TRDN: variants seen among roughly 807,000 people sequenced by gnomAD.
TRDN encodes triadin in skeletal muscle.
TRDN carries 161 observed loss-of-function variants against 149.7 expected under a neutral mutation model. The ratio of observed to expected loss-of-function variants is 1.08; its 90% confidence interval spans 0.95 to 1.23. TRDN has a LOEUF of 1.23. Ranked by LOEUF, TRDN falls within the 50% of genes most tolerant of loss-of-function variation. The pLI is 0.00. For synonymous variants in TRDN, 294 were observed against 250.5 expected (o/e 1.17, Z -1.64); for missense variants, 896 against 823.5 (o/e 1.09, Z -1.08).
At chr6:123,301,064 C>A (rs1778379110) in intron 24 of TRDN, among the ~76,000 whole-genome samples, 1 of 151,946 alleles carries the variant, frequency 6.6e-6, no homozygotes, top group African/African-American at 2.4e-5. Context: ...AAAATTTCTA[C>A]TCTAAGGAAT....
At chr6:123,305,123 T>C (rs1021464858) in intron 24 of TRDN, among the ~76,000 whole-genome samples, 1 of 152,172 alleles carries the variant, frequency 6.6e-6, no homozygotes, top group Non-Finnish European at 1.5e-5. Flanking sequence ...AAGGCTTCAA[T>C]TAAAATGTCA....
chr6:123,546,720 G>A (rs1781130378), intron 4 of TRDN, among the ~76,000 whole-genome samples: 1 of 151,804 alleles, frequency 6.6e-6, no homozygotes, highest in Admixed American at 6.6e-5. Context: ...TTTGTCCTAG[G>A]TTTATCGTTC....
chr6:123,389,704 G>GAATTTAC (rs1225873831), intron 13 of TRDN, among the ~76,000 whole-genome samples: 5 of 152,090 alleles, frequency 3.3e-5, no homozygotes, highest in Non-Finnish European at 7.4e-5. Context: ...GTAGAAAAGT[G>GAATTTAC]AATTTACAAA....
intron 9 of TRDN, among the ~76,000 whole-genome samples, chr6:123,486,441 T>G (rs977377577): frequency 6.6e-5 from 10 of 151,988 alleles, no homozygotes; most frequent in Non-Finnish European, 1.5e-4. Context: ...TCAATTATAA[T>G]AAGACACTTT....
chr6:123,390,822 A>T (rs947221822), intron 13 of TRDN, among the ~76,000 whole-genome samples: 1 of 152,116 alleles, frequency 6.6e-6, no homozygotes, highest in Non-Finnish European at 1.5e-5. Flanking sequence ...TTCACATTGT[A>T]AAAAGACTGG....
chr6:123,253,326 G>A (rs1191543976), intron 37 of TRDN, among the ~76,000 whole-genome samples: 2 of 151,936 alleles, frequency 1.3e-5, no homozygotes, highest in African/African-American at 4.8e-5. Flanking sequence ...TAGAAAATAT[G>A]ATTTTTAAGC....
At chr6:123,551,426 A>C (rs965875032) in intron 2 of TRDN, among the ~76,000 whole-genome samples, 1 of 151,134 alleles carries the variant, frequency 6.6e-6, no homozygotes, top group African/African-American at 2.4e-5. Context: ...TCTGTCTTTC[A>C]GACCTCACAT....
chr6:123,252,941 T>G (rs2114571771), intron 37 of TRDN, among the ~76,000 whole-genome samples: 1 of 152,242 alleles, frequency 6.6e-6, no homozygotes, highest in South Asian at 2.1e-4. Flanking sequence ...GCTCAACTAT[T>G]ATTATACTTA....
At chr6:123,424,445 A>C (rs2114551873) in intron 12 of TRDN, among the ~76,000 whole-genome samples, 1 of 152,246 alleles carries the variant, frequency 6.6e-6, no homozygotes, top group Non-Finnish European at 1.5e-5. Flanking sequence ...TCTATAAACA[A>C]GAAAAAACAA....
chr6:123,413,236 T>C (rs1773514353), intron 12 of TRDN, among the ~76,000 whole-genome samples: 1 of 152,216 alleles, frequency 6.6e-6, no homozygotes, highest in South Asian at 2.1e-4. Flanking sequence ...ACAGTAGCAG[T>C]AATGCCAATG....
Position 123,465,980 on chromosome 6 carries a change from C to T in TRDN, c.854-997G>A, listed in dbSNP as rs192757883. On this transcript the variant is annotated intron_variant, in intron 9 of 40. Coordinates refer to ENST00000334268, the MANE Select transcript of TRDN (RefSeq NM_006073.4). ...AAAGTAATTAGAGTTGCACAAACACCACATTTCGGGCCTAGGCCCTCATGC... is the reference window on the plus strand; with the variant it reads ...AAAGTAATTAGAGTTGCACAAACACTACATTTCGGGCCTAGGCCCTCATGC... Among the ~76,000 whole-genome samples, 8 of 152,280 alleles carry T rather than the reference C, an allele frequency of 5.3e-5. No homozygotes were observed. The East Asian group carries it at 1.5e-3, about 29-fold the overall frequency.
intron 21 of TRDN, chr6:123,350,987 A>C (rs1459746322): frequency 1.2e-5 from 12 of 984,880 alleles, no homozygotes; most frequent in Non-Finnish European, 1.4e-5. Context: ...TGATGATCAG[A>C]AGAAAGAAAC....
intron 6 of TRDN, among the ~76,000 whole-genome samples, chr6:123,513,320 C>T (rs79487974): frequency 0.016 from 2,444 of 152,284 alleles, 73 homozygotes; most frequent in African/African-American, 0.055. Context: ...AAGCAAACAT[C>T]CTTTAATTGG....
chr6:123,508,038 C>G lies in TRDN; in HGVS notation c.611-4137G>C, dbSNP rs76549156. Among the ~76,000 whole-genome samples the G allele has an allele frequency of 7.5e-3, 1,139 of 151,604 alleles. 5 individuals are homozygous for G. Among genetic ancestry groups the G allele is most frequent in the Non-Finnish European group, 0.012 (840 of 67,964 alleles). On this transcript the variant is annotated intron_variant, in intron 7 of 40. Transcript: ENST00000334268. ...GTAACTGCCTCTTCCTCTATGGAAGCTGTGGAGATGAGTAACACTGAGCAA... is the reference window on the plus strand; with the variant it reads ...GTAACTGCCTCTTCCTCTATGGAAGGTGTGGAGATGAGTAACACTGAGCAA...
intron 9 of TRDN, among the ~76,000 whole-genome samples, chr6:123,476,980 C>T (rs1308758016): frequency 8.1e-6 from 1 of 123,708 alleles, no homozygotes; most frequent in African/African-American, 3.1e-5. Context: ...TAGGCATTAC[C>T]ATTCAGGACA....
chr6:123,516,050 C>T (rs1779396166), intron 6 of TRDN, 91 bp downstream of exon 6: 5 of 1,225,334 alleles, frequency 4.1e-6, no homozygotes, highest in Non-Finnish European at 5.2e-6. Flanking sequence ...ATTTGTAAAA[C>T]TGCGTGGTCA....
At chr6:123,378,064 C>CT (rs1781576826) in intron 16 of TRDN, among the ~76,000 whole-genome samples, 166 bp from the exon 17 acceptor site, 5 of 151,938 alleles carry the variant, frequency 3.3e-5, no homozygotes, top group Admixed American at 2.0e-4. Flanking sequence ...TAAAATAATT[C>CT]TTTTTTCCAT....
At chr6:123,404,194 T>A (rs897432444) in intron 12 of TRDN, among the ~76,000 whole-genome samples, 9 of 152,292 alleles carry the variant, frequency 5.9e-5, no homozygotes, top group Admixed American at 3.9e-4. Flanking sequence ...AAAATTTGGA[T>A]GAAAGGACAA....
At chr6:123,292,676 T>A (rs371978224) in intron 24 of TRDN, among the ~76,000 whole-genome samples, 1 of 152,174 alleles carries the variant, frequency 6.6e-6, no homozygotes, top group Non-Finnish European at 1.5e-5. Flanking sequence ...GTACCCCCTC[T>A]GCTGTTAAAC....
Sources: gnomAD v4.1 joint callset for allele counts (sites outside exome capture counted in the v4.1 genomes callset) on GRCh38, gnomAD v4.1.1 for gene constraint, MANE v1.5 for transcripts, NCBI Gene and HGNC (gene_info 2026-07-23, HGNC 2026-07-21) for gene names.